The following DLC1 variants were observed in gnomAD, a reference collection of about 807,000 sequenced individuals.
DLC1 encodes the protein rho GTPase-activating protein 7.
Under a neutral mutation model 140.3 loss-of-function variants are expected in DLC1, and 54 were observed. The observed-to-expected ratio is 0.38, with a 90% CI of 0.31 to 0.48. DLC1 has a LOEUF of 0.48. DLC1 is among the 20% of genes least tolerant of loss of function. The probability of loss-of-function intolerance (pLI) is 0.96; values close to 1 mark genes in which losing one functional copy is unlikely to be tolerated. For missense variants in DLC1, 2,536 were observed against 1,907.0 expected, an observed-to-expected ratio of 1.33 and a Z score of -6.14; for synonymous variants, 986 against 728.1, an observed-to-expected ratio of 1.35 and a Z score of -5.70.
intron 1 of DLC1, among the ~76,000 whole-genome samples, chr8:13,587,094 A>ACACACG (rs2117461348): frequency 6.6e-6 from 1 of 151,404 alleles, no homozygotes; most frequent in South Asian, 2.1e-4. Context: ...ACACACACAC[A>ACACACG]CACACACACA....
At chr8:13,587,417 A>G (rs1157411169) in intron 1 of DLC1, among the ~76,000 whole-genome samples, 1 of 151,852 alleles carries the variant, frequency 6.6e-6, no homozygotes, top group South Asian at 2.1e-4. Context: ...GGACCAAATG[A>G]TAAATATAGA....
chr8:13,519,738 A>G (rs949790388), upstream of DLC1, among the ~76,000 whole-genome samples: 1 of 152,190 alleles, frequency 6.6e-6, no homozygotes, highest in African/African-American at 2.4e-5. Context: ...ATTACAGTCC[A>G]AGAATAGATA....
At chr8:13,139,348 T>TTCTG (rs1822807655) in intron 5 of DLC1, among the ~76,000 whole-genome samples, 1 of 144,272 alleles carries the variant, frequency 6.9e-6, no homozygotes, top group Non-Finnish European at 1.5e-5. Flanking sequence ...GAGTCTGAGA[T>TTCTG]TCTGTTGTGC....
chr8:13,228,931 A>G (rs549674157), intron 5 of DLC1, among the ~76,000 whole-genome samples: 1 of 152,288 alleles, frequency 6.6e-6, no homozygotes, highest in East Asian at 1.9e-4. Flanking sequence ...AAAATGACAG[A>G]TTATAACAAG....
At chr8:13,595,944 T>C (rs1262784300) in intron 1 of DLC1, among the ~76,000 whole-genome samples, 1 of 152,020 alleles carries the variant, frequency 6.6e-6, no homozygotes, top group Non-Finnish European at 1.5e-5. Flanking sequence ...AAGCAATCTA[T>C]ACAAAATAAC....
chr8:13,365,818 C>G (rs1835454075), intron 4 of DLC1, among the ~76,000 whole-genome samples: 1 of 152,138 alleles, frequency 6.6e-6, no homozygotes, highest in Non-Finnish European at 1.5e-5. Flanking sequence ...ATGTCAACCT[C>G]TCAGCCCTAT....
chr8:13,292,653 C>T (rs1357819919), intron 5 of DLC1, among the ~76,000 whole-genome samples: 1 of 152,034 alleles, frequency 6.6e-6, no homozygotes, highest in Non-Finnish European at 1.5e-5. Context: ...CACAGACATG[C>T]TCCCCACGTC....
intron 5 of DLC1, among the ~76,000 whole-genome samples, chr8:13,190,354 C>A (rs936656793): frequency 6.6e-6 from 1 of 151,950 alleles, no homozygotes. Flanking sequence ...GATTGTGGTC[C>A]CTGTTTCCCT....
At chr8:13,410,012 G>T (rs1402882237) in intron 2 of DLC1, among the ~76,000 whole-genome samples, 2 of 151,980 alleles carry the variant, frequency 1.3e-5, no homozygotes, top group Non-Finnish European at 2.9e-5. Context: ...GAAAATTAGG[G>T]TGACAGGAAT....
chr8:13,423,933 G>C (rs1359346700), intron 2 of DLC1, among the ~76,000 whole-genome samples: 1 of 152,130 alleles, frequency 6.6e-6, no homozygotes. Context: ...TAAGAATTAT[G>C]ATCTCATTAT....
intron 2 of DLC1, among the ~76,000 whole-genome samples, chr8:13,418,989 G>A (rs377599420): frequency 0.026 from 3,861 of 150,984 alleles, 77 homozygotes; most frequent in South Asian, 0.072. Flanking sequence ...GTGAATGGGA[G>A]TTCACTCATG....
At chr8:13,168,420 C>G (rs1236174813) in intron 5 of DLC1, among the ~76,000 whole-genome samples, 1 of 152,110 alleles carries the variant, frequency 6.6e-6, no homozygotes, top group African/African-American at 2.4e-5. Flanking sequence ...GAGCTTAACA[C>G]AGTATTTTAA....
chr8:13,480,528 A>G (rs1221767075), intron 2 of DLC1, among the ~76,000 whole-genome samples: 2 of 152,182 alleles, frequency 1.3e-5, no homozygotes, highest in African/African-American at 2.4e-5. Context: ...AAAGACTGCT[A>G]TGGTCTTTGA....
At chr8:13,378,048 G>T (rs1836080731) in intron 4 of DLC1, among the ~76,000 whole-genome samples, 1 of 148,818 alleles carries the variant, frequency 6.7e-6, no homozygotes, top group South Asian at 2.2e-4. Context: ...AATTAGCACT[G>T]ATCTTTTTTT....
intron 5 of DLC1, among the ~76,000 whole-genome samples, chr8:13,120,011 G>A (rs1339954645): frequency 6.6e-6 from 1 of 151,344 alleles, no homozygotes; most frequent in African/African-American, 2.4e-5. Flanking sequence ...AAAAATGCAA[G>A]GTTCTTCCTG....
At chr8:13,189,109 G>T (rs895187936) in intron 5 of DLC1, among the ~76,000 whole-genome samples, 1 of 151,866 alleles carries the variant, frequency 6.6e-6, no homozygotes, top group South Asian at 2.1e-4. Context: ...GGCATTAAAA[G>T]ACATAGTTTT....
At chr8:13,584,813 C>G (rs1445476754) in intron 1 of DLC1, among the ~76,000 whole-genome samples, 1 of 152,160 alleles carries the variant, frequency 6.6e-6, no homozygotes, top group Non-Finnish European at 1.5e-5. Context: ...CACACCCAGG[C>G]TCTTCCTACC....
At chr8:13,554,559 C>G (rs1475970747) in intron 1 of DLC1, among the ~76,000 whole-genome samples, 1 of 152,196 alleles carries the variant, frequency 6.6e-6, no homozygotes, top group African/African-American at 2.4e-5. Flanking sequence ...TATTTCCACT[C>G]ATGGTGACTC....
upstream of DLC1, among the ~76,000 whole-genome samples, chr8:13,516,119 A>G (rs138327701): frequency 1.3e-5 from 2 of 152,120 alleles, no homozygotes; most frequent in Non-Finnish European, 2.9e-5. Flanking sequence ...CTTCTACTTT[A>G]TTTACAATCA....
Sources: gnomAD v4.1 joint callset for allele counts (sites outside exome capture counted in the v4.1 genomes callset) on GRCh38, gnomAD v4.1.1 for gene constraint, MANE v1.5 for transcripts, NCBI Gene and HGNC (gene_info 2026-07-23, HGNC 2026-07-21) for gene names.